The following FSTL4 variants were observed in gnomAD, a reference collection of about 807,000 sequenced individuals.
The protein encoded by FSTL4 is follistatin like 4, also known as follistatin-related protein 4.
A neutral mutation model predicts 78.2 loss-of-function variants in FSTL4; 28 were observed. The observed-to-expected ratio is 0.36, with a 90% CI of 0.27 to 0.49. The LOEUF is 0.49. FSTL4 is among the 20% of genes least tolerant of loss of function. FSTL4 has a pLI of 0.98. For synonymous variants in FSTL4, 422 were observed against 440.5 expected, an observed-to-expected ratio of 0.96 and a Z score of 0.53; for missense variants, 922 against 1,084.9, an observed-to-expected ratio of 0.85 and a Z score of 2.11.
chr5:133,537,864 T>C (rs372556451), intron 3 of FSTL4, among the ~76,000 whole-genome samples: 13 of 150,286 alleles, frequency 8.7e-5, no homozygotes, highest in Admixed American at 3.9e-4. Context: ...TGTACACACA[T>C]ATATATATAA....
intron 4 of FSTL4, among the ~76,000 whole-genome samples, chr5:133,358,183 C>G (rs1754982132): frequency 6.6e-6 from 1 of 152,172 alleles, no homozygotes; most frequent in Non-Finnish European, 1.5e-5. Flanking sequence ...ACATGGAGCC[C>G]TCTCGGATAA....
chr5:133,198,681 G>A lies in FSTL4; in HGVS notation c.*414C>T, dbSNP rs890821. 94 of 158,578 alleles carry A rather than the reference G, an allele frequency of 5.9e-4. No individual in the cohort carries two copies. Among genetic ancestry groups the A allele is most frequent in the Admixed American group, 1.7e-3 (27 of 15,612 alleles). The allele number at this position is 158,578 out of a possible 1,614,324, so 9.8% of individuals were successfully genotyped here. Reference sequence around the variant, plus strand: ...GGGAGGGAGGCCCCTGCTCCTGGTCGGCCTCTGCTTCCGGGCCACTCCGTC... The same window carrying A: ...GGGAGGGAGGCCCCTGCTCCTGGTCAGCCTCTGCTTCCGGGCCACTCCGTC... On this transcript the variant is annotated 3_prime_UTR_variant, in exon 16 of 16. Coordinates refer to ENST00000265342, the MANE Select transcript of FSTL4 (RefSeq NM_015082.2).
At chr5:133,356,398 G>A (rs1177179620) in intron 4 of FSTL4, among the ~76,000 whole-genome samples, 2 of 152,156 alleles carry the variant, frequency 1.3e-5, no homozygotes, top group Non-Finnish European at 2.9e-5. Context: ...AGGGACTCTA[G>A]GAGGAGGTAC....
the FSTL4 span, among the ~76,000 whole-genome samples, chr5:133,698,065 T>C: frequency 3.3e-5 from 5 of 152,204 alleles, no homozygotes; most frequent in African/African-American, 1.2e-4. Flanking sequence ...AGCATCACTG[T>C]GAATGTGTGG....
the FSTL4 span, among the ~76,000 whole-genome samples, chr5:133,789,134 C>G: frequency 3.0e-3 from 459 of 152,304 alleles, 2 homozygotes; most frequent in African/African-American, 0.011. Flanking sequence ...AGGGCACATG[C>G]TAACCTGAGC....
At chr5:133,505,334 G>A (rs565432704) in intron 3 of FSTL4, among the ~76,000 whole-genome samples, 101 of 152,322 alleles carry the variant, frequency 6.6e-4, no homozygotes, top group African/African-American at 2.4e-3. Flanking sequence ...TTAAAGAACA[G>A]AGGAGGTTCC....
chr5:133,820,225 C>A, the FSTL4 span, among the ~76,000 whole-genome samples: 1 of 152,192 alleles, frequency 6.6e-6, no homozygotes, highest in Admixed American at 6.5e-5. Flanking sequence ...CTGGGAGGGT[C>A]CAGCTGTCAC....
At chr5:133,466,450 G>A (rs921448759) in intron 3 of FSTL4, among the ~76,000 whole-genome samples, 20 of 152,102 alleles carry the variant, frequency 1.3e-4, no homozygotes, top group Admixed American at 1.1e-3. Flanking sequence ...GCTGAGGCAG[G>A]AGAATGGCGT....
intron 3 of FSTL4, among the ~76,000 whole-genome samples, chr5:133,530,984 C>T (rs1410709593): frequency 6.6e-6 from 1 of 152,182 alleles, no homozygotes; most frequent in Non-Finnish European, 1.5e-5. Context: ...AGGCTGTGCC[C>T]AGACTGGACA....
intron 3 of FSTL4, among the ~76,000 whole-genome samples, chr5:133,412,081 G>A (rs944530622): frequency 5.9e-5 from 9 of 152,232 alleles, no homozygotes; most frequent in Admixed American, 3.9e-4. Flanking sequence ...TTGCTTATTC[G>A]TGGGTAGGAA....
chr5:133,452,921 G>A (rs997914143), intron 3 of FSTL4, among the ~76,000 whole-genome samples: 2 of 152,262 alleles, frequency 1.3e-5, no homozygotes, highest in African/African-American at 4.8e-5. Context: ...TTTAGTCAGA[G>A]TCCTACCAAC....
chr5:133,809,130 C>T, the FSTL4 span, among the ~76,000 whole-genome samples: 1 of 151,906 alleles, frequency 6.6e-6, no homozygotes, highest in African/African-American at 2.4e-5. Flanking sequence ...TCTTGGGAGG[C>T]CAAGATGGGT....
the FSTL4 span, among the ~76,000 whole-genome samples, chr5:133,800,305 G>T: frequency 7.2e-6 from 1 of 138,184 alleles, no homozygotes. Context: ...GCCAAGGCTG[G>T]TGAGGCAGTC....
In FSTL4 at chr5:133,564,878, A is replaced by T. The variant is rs1353945934; in HGVS notation, c.160+2308T>A. ...ATGATTTGGCTTGGACTCGATTTCC[A>T]CTGCTAACATTAGCCCCTCTCACTT... On this transcript the variant is annotated intron_variant, in intron 3 of 15. Coordinates refer to ENST00000265342, the MANE Select transcript of FSTL4 (RefSeq NM_015082.2). Among the ~76,000 whole-genome samples the T allele has an allele frequency of 2.0e-5, 3 of 152,162 alleles. No individual in the cohort carries two copies. In the East Asian group the frequency reaches 5.8e-4, roughly 29 times the overall value.
At chr5:133,723,543 A>G in the FSTL4 span, among the ~76,000 whole-genome samples, 1 of 152,208 alleles carries the variant, frequency 6.6e-6, no homozygotes, top group Non-Finnish European at 1.5e-5. Context: ...CTTATGAATC[A>G]GCAGGAAGAA....
intron 3 of FSTL4, among the ~76,000 whole-genome samples, chr5:133,508,683 T>C (rs1758663319): frequency 6.6e-6 from 1 of 152,192 alleles, no homozygotes; most frequent in South Asian, 2.1e-4. Context: ...ACGACACCAC[T>C]TTGTAGAAGG....
At position 133,612,407 on chromosome 5, in the gene FSTL4, C is replaced by A. The variant is rs1300924387; in HGVS notation, c.-93G>T. Reference sequence around the variant, plus strand: ...GAGCACCCCGTGGCGGCGGCGGCGACCCCGCCCCGCGTCCTTCGGCTGGTT... The same window carrying A: ...GAGCACCCCGTGGCGGCGGCGGCGAACCCGCCCCGCGTCCTTCGGCTGGTT... On this transcript the variant is annotated 5_prime_UTR_variant, in exon 1 of 16. Coordinates refer to ENST00000265342, the MANE Select transcript of FSTL4 (RefSeq NM_015082.2). The surrounding 1 kb of genome is among the most constrained non-coding windows in gnomAD (Gnocchi z 6.2). 6.6e-6 allele frequency: 1 copy of A among 151,590 alleles called. No homozygotes were observed. Among genetic ancestry groups the A allele is most frequent in the Non-Finnish European group, 1.5e-5 (1 of 67,886 alleles). 9.4% of individuals were successfully genotyped at this position (151,590 alleles called of 1,614,324 possible).
At chr5:133,675,591 G>T in the FSTL4 span, among the ~76,000 whole-genome samples, 1 of 152,102 alleles carries the variant, frequency 6.6e-6, no homozygotes, top group Non-Finnish European at 1.5e-5. Flanking sequence ...GCCTAGCGTG[G>T]TGCAGTCCCT....
intron 4 of FSTL4, among the ~76,000 whole-genome samples, chr5:133,323,831 T>G (rs1209436145): frequency 6.6e-6 from 1 of 152,246 alleles, no homozygotes; most frequent in Non-Finnish European, 1.5e-5. Flanking sequence ...AACTTGGTAA[T>G]GAACTACATT....
Sources: allele counts gnomAD v4.1 joint callset (sites outside exome capture counted in the v4.1 genomes callset), GRCh38; gene constraint gnomAD v4.1.1; non-coding constraint Gnocchi (gnomAD v3.1); transcripts MANE v1.5; gene names NCBI Gene and HGNC (gene_info 2026-07-23, HGNC 2026-07-21).